The following TLE1 variants were observed in gnomAD, a reference collection of about 807,000 sequenced individuals.
TLE1 encodes transducin-like enhancer protein 1.
In TLE1, 21 loss-of-function variants were observed where a neutral mutation model predicts 89.8. The ratio of observed to expected loss-of-function variants is 0.23; its 90% CI spans 0.17 to 0.34. TLE1 has a LOEUF of 0.34. Among genes scored for constraint, TLE1 ranks in the 10% least tolerant of loss-of-function variants. TLE1 has a pLI of 1.00. For synonymous variants in TLE1, 447 were observed against 407.6 expected, an observed-to-expected ratio of 1.10 and a Z score of -1.16; for missense variants, 795 against 1,031.2, an observed-to-expected ratio of 0.77 and a Z score of 3.14.
intron 15 of TLE1, among the ~76,000 whole-genome samples, chr9:81,592,795 A>G (rs574075588): frequency 2.6e-4 from 39 of 152,300 alleles, no homozygotes; most frequent in African/African-American, 9.1e-4. Flanking sequence ...AACCACTGTA[A>G]AATATTTTTT....
intron 9 of TLE1, among the ~76,000 whole-genome samples, chr9:81,618,910 G>A (rs1161450433): frequency 5.3e-5 from 8 of 152,100 alleles, no homozygotes; most frequent in Non-Finnish European, 7.4e-5. Context: ...AGTGATCTAA[G>A]GTCTGAGGCC....
chr9:81,655,666 C>T (rs546467394), intron 4 of TLE1, among the ~76,000 whole-genome samples: 1 of 152,008 alleles, frequency 6.6e-6, no homozygotes, highest in East Asian at 1.9e-4. Context: ...TAAATGCCAC[C>T]TATATTACTG....
At chr9:81,620,290 A>C in intron 9 of TLE1, 151 bp downstream of exon 9, 1 of 654,320 alleles carries the variant, frequency 1.5e-6, no homozygotes, top group African/African-American at 1.8e-5. Flanking sequence ...ACAGCCCCAA[A>C]GGGAAATACT....
chr9:81,681,623 C>A (rs1368984233), intron 4 of TLE1, among the ~76,000 whole-genome samples: 1 of 152,096 alleles, frequency 6.6e-6, no homozygotes, highest in Non-Finnish European at 1.5e-5. Context: ...CATTCTTCAG[C>A]AGAACACAGG....
At chr9:81,637,818 C>T (rs1827595312) in intron 6 of TLE1, among the ~76,000 whole-genome samples, 1 of 152,028 alleles carries the variant, frequency 6.6e-6, no homozygotes, top group Admixed American at 6.5e-5. Context: ...TCTAAGTGTC[C>T]ATCGTCTGGC....
intron 2 of TLE1, among the ~76,000 whole-genome samples, 178 bp downstream of exon 2, chr9:81,687,156 G>A (rs990113441): frequency 5.3e-5 from 8 of 152,246 alleles, no homozygotes; most frequent in Admixed American, 2.0e-4. Flanking sequence ...GGAGACAAGA[G>A]AAGAGGCGGC....
At chr9:81,644,238 A>T (rs1828536178) in intron 6 of TLE1, among the ~76,000 whole-genome samples, 1 of 152,222 alleles carries the variant, frequency 6.6e-6, no homozygotes, top group Non-Finnish European at 1.5e-5. Context: ...GACAAATCCA[A>T]GAGAAAACAT....
At chr9:81,588,245 AG>A (rs2131775826) in intron 16 of TLE1, among the ~76,000 whole-genome samples, 1 of 152,354 alleles carries the variant, frequency 6.6e-6, no homozygotes, top group Non-Finnish European at 1.5e-5. Context: ...TTAATCGTGC[AG>A]GCCTGAGTCC....
intron 14 of TLE1, among the ~76,000 whole-genome samples, chr9:81,594,817 C>T (rs999634676): frequency 1.3e-5 from 2 of 152,064 alleles, no homozygotes; most frequent in African/African-American, 4.8e-5. Context: ...TTAGCAAGCA[C>T]AAAACTGAAA....
chr9:81,666,658 C>G (rs910557447), intron 4 of TLE1, among the ~76,000 whole-genome samples: 1 of 151,828 alleles, frequency 6.6e-6, no homozygotes, highest in Non-Finnish European at 1.5e-5. Context: ...GCCTGTAATC[C>G]CAGCTACTCA....
rs1439835118 is a variant in TLE1, at chr9:81,688,263, C to T, written c.-23G>A. On this transcript the variant is annotated 5_prime_UTR_variant, in exon 1 of 20. Coordinates refer to ENST00000376499, the MANE Select transcript of TLE1 (RefSeq NM_005077.5). ...CATCGCTCTGGCGGCGGCCGGGGCT[C>T]TGTTCCCCGGCAACTCAATTCTCCG... The T allele has an allele frequency of 5.1e-6, 8 of 1,569,292 alleles. No individual in the cohort carries two copies. The highest frequency in any genetic ancestry group is 6.0e-6 in the Non-Finnish European group (7 of 1,161,118).
chr9:81,630,171 T>C lies in TLE1; in HGVS notation c.594+3177A>G, dbSNP rs138513787. On this transcript the variant is annotated intron_variant, in intron 8 of 19. Coordinates refer to ENST00000376499, the MANE Select transcript of TLE1 (RefSeq NM_005077.5). ...AACAGTAAGGAGTTCGTCTTATTTATGGCCAAAGGTTCTCAGACTTTGGTC... is the reference window on the plus strand; with the variant it reads ...AACAGTAAGGAGTTCGTCTTATTTACGGCCAAAGGTTCTCAGACTTTGGTC... Among the ~76,000 whole-genome samples the C allele has an allele frequency of 5.0e-3, 762 of 151,726 alleles. 7 individuals are homozygous for C. The highest frequency in any genetic ancestry group is 6.6e-3 in the Non-Finnish European group (449 of 67,964).
At position 81,590,843 on chromosome 9, in the gene TLE1, G is replaced by A; in HGVS notation, c.1791C>T (p.Asn597=). The A allele has an allele frequency of 6.2e-7, 1 of 1,614,212 alleles. No homozygotes were observed. Among genetic ancestry groups the A allele is most frequent in the Non-Finnish European group, 8.5e-7 (1 of 1,180,032 alleles). The change falls in exon 16 of 20, where the codon AAC becomes AAT. Residue 597 remains asparagine, a synonymous_variant. Transcript: ENST00000376499. ...GGTTGTGCAGATCCCACACAGCGAT[G>A]TTGCCGTCGCTGCAGCATGAGAAGC... The part of the protein sequence containing the change: ...KVCFSCCSDG[N]IAVWDLHNQT...
At chr9:81,651,535 A>G (rs1375695309) in intron 6 of TLE1, among the ~76,000 whole-genome samples, 2 of 152,334 alleles carry the variant, frequency 1.3e-5, no homozygotes, top group Non-Finnish European at 2.9e-5. Context: ...CCATGGCAAG[A>G]GAGCGCTCTT....
chr9:81,611,775 G>T lies in TLE1; in HGVS notation c.1248C>A (p.Ser416=). The stretch of plus-strand genomic sequence containing the variant: ...CCACCCGACAGCGGCCTACCATGGG[G>T]GAGCGCCCGTAGGCCACCACGGCGG... The part of the protein sequence containing the change: ...AAAAVVAYGR[S]PMVGFDPPPH... Residue 416 remains serine, a synonymous_variant, in exon 13 of 20, where the codon TCC becomes TCA. Coordinates refer to ENST00000376499, the MANE Select transcript of TLE1 (RefSeq NM_005077.5). 6.5e-7 allele frequency: 1 copy of T among 1,529,738 alleles called. No homozygotes were observed. Among genetic ancestry groups the T allele is most frequent in the Non-Finnish European group, 8.7e-7 (1 of 1,147,256 alleles). The allele number at this position is 1,529,738 out of a possible 1,614,324, so 94.8% of individuals were successfully genotyped here.
rs574003296 is a variant in TLE1 at position 81,664,408 on chromosome 9, C to T, written c.235-10372G>A. ...GAGGCCTCCTTCAGGATATCTGCTA[C>T]TCAGAGTCTTAAGATTTCTCCCATC... is the stretch of plus-strand genomic sequence containing the variant. On this transcript the variant is annotated intron_variant, in intron 4 of 19. Coordinates refer to ENST00000376499, the MANE Select transcript of TLE1 (RefSeq NM_005077.5). Among the ~76,000 whole-genome samples the T allele has an allele frequency of 3.9e-4, 60 of 152,336 alleles. No homozygotes were observed. The South Asian group carries it at 8.7e-3, about 22-fold the overall frequency.
chr9:81,599,554 G>A (rs995861362), intron 14 of TLE1, among the ~76,000 whole-genome samples: 1 of 152,112 alleles, frequency 6.6e-6, no homozygotes, highest in Non-Finnish European at 1.5e-5. Flanking sequence ...GGCGGTGGCT[G>A]GGAGGAATAG....
intron 7 of TLE1, 140 bp downstream of exon 7, chr9:81,633,957 T>A: frequency 1.0e-6 from 1 of 963,142 alleles, no homozygotes; most frequent in Non-Finnish European, 1.5e-6. Context: ...TGTGTTTCAG[T>A]GGAAAGCTTT....
chr9:81,600,299 A>G lies in TLE1; in HGVS notation c.1332-7025T>C, dbSNP rs549155988. 2.0e-5 allele frequency among the ~76,000 whole-genome samples: 3 copies of G among 152,334 alleles called. No homozygotes were observed. The East Asian group carries it at 5.8e-4, about 29-fold the overall frequency. Reference sequence around the variant, plus strand: ...CACTACATTTATATCCCATAAACCAAAAGTCATTTCTGACAAGGTGAAGAG... The same window carrying G: ...CACTACATTTATATCCCATAAACCAGAAGTCATTTCTGACAAGGTGAAGAG... On this transcript the variant is annotated intron_variant, in intron 14 of 19. Transcript: ENST00000376499.
Sources: allele counts gnomAD v4.1 joint callset (sites outside exome capture counted in the v4.1 genomes callset), GRCh38; gene constraint gnomAD v4.1.1; transcripts MANE v1.5; gene names NCBI Gene and HGNC (gene_info 2026-07-23, HGNC 2026-07-21).